Variants in RHPN1 observed in about 807,000 individuals in gnomAD.
RHPN1 encodes rhophilin-1.
A neutral mutation model predicts 74.7 loss-of-function variants in RHPN1; 77 were observed. That is an observed-to-expected ratio of 1.03 (90% CI 0.86 to 1.25). The LOEUF is 1.25. Ranked by LOEUF, RHPN1 falls within the 50% of genes most tolerant of loss-of-function variation. RHPN1 has a pLI of 0.00. For missense variants in RHPN1, 987 were observed against 932.2 expected (o/e 1.06, Z -0.77); for synonymous variants, 444 against 414.5 (o/e 1.07, Z -0.87).
Position 143,378,356 on chromosome 8 carries a change from T to TCCGCCCCCCC in RHPN1, c.459+12_459+13insGCCCCCCCCC. ...GGAGGCCCTGCGGCAGGTGTGTGGT[T>TCCGCCCCCCC]CCCCCGCCCACCCACCCTCCTGCAG... On this transcript the variant is annotated intron_variant, in intron 5 of 14. Coordinates refer to ENST00000289013, the MANE Select transcript of RHPN1 (RefSeq NM_052924.3). 6.6e-7 allele frequency: 1 copy of TCCGCCCCCCC among 1,525,440 alleles called. No individual in the cohort carries two copies. 94.5% of individuals were successfully genotyped at this position (1,525,440 alleles called of 1,614,324 possible). A position where few individuals can be genotyped will look rare whatever the true frequency, so the allele number is the denominator to read the frequency against.
At chr8:143,368,447 G>C (rs1401675015), upstream of RHPN1, 1 of 152,550 alleles carries the variant, frequency 6.6e-6, no homozygotes, top group Non-Finnish European at 1.5e-5. Flanking sequence ...CCCGTTGCCG[G>C]GGTGACAGGA....
intron 1 of RHPN1, among the ~76,000 whole-genome samples, chr8:143,369,891 TCTC>T (rs772499537): frequency 6.6e-6 from 1 of 152,180 alleles, no homozygotes; most frequent in Non-Finnish European, 1.5e-5. Flanking sequence ...TGGGGTTAGG[TCTC>T]CTAGAGGAGG....
At position 143,377,425 on chromosome 8, in the gene RHPN1, C is replaced by T; in HGVS notation, c.351C>T (p.Thr117=). Residue 117 remains threonine, a synonymous_variant, in exon 4 of 15, where the codon ACC becomes ACT. Transcript: ENST00000289013. The part of the protein sequence containing the change: ...VPMIPLGLKE[T]KELDWSTPLK... Reference sequence around the variant, plus strand: ...TGATCCCCCTGGGCCTGAAGGAGACCAAGGAGCTGGACTGGTCTACACCGC... The same window carrying T: ...TGATCCCCCTGGGCCTGAAGGAGACTAAGGAGCTGGACTGGTCTACACCGC... The T allele has an allele frequency of 6.2e-7, 1 of 1,613,386 alleles. No homozygotes were observed. The highest frequency in any genetic ancestry group is 8.5e-7 in the Non-Finnish European group (1 of 1,179,514).
At chr8:143,366,946 A>C (rs1284099612), upstream of RHPN1, 1 of 152,292 alleles carries the variant, frequency 6.6e-6, no homozygotes, top group Non-Finnish European at 1.5e-5. Flanking sequence ...AAGTCCCCAC[A>C]CAAGTGCACC....
intron 12 of RHPN1, 77 bp from the exon 13 acceptor site, chr8:143,381,495 T>A (rs1818726351): frequency 6.6e-7 from 1 of 1,523,000 alleles, no homozygotes; most frequent in African/African-American, 1.4e-5. Context: ...GTGCACAGGT[T>A]GGATGGATGT....
At chr8:143,381,785 C>T in intron 13 of RHPN1, 22 bp from the exon 14 acceptor site, 1 of 1,608,976 alleles carries the variant, frequency 6.2e-7, no homozygotes, top group Non-Finnish European at 8.5e-7. Flanking sequence ...GTCCCCACCT[C>T]ACCGTCCAAG....
intron 11 of RHPN1, 89 bp from the exon 12 acceptor site, chr8:143,381,179 G>A: frequency 1.8e-6 from 2 of 1,101,650 alleles, no homozygotes; most frequent in Non-Finnish European, 1.3e-6. Flanking sequence ...GGGCCTGTGT[G>A]CACTCAGGGT....
rs769401346 is a variant in RHPN1 at position 143,378,939 on chromosome 8, C to T, written c.612C>T (p.Ala204=). 7 of 1,581,844 alleles carry T rather than the reference C, an allele frequency of 4.4e-6. No homozygotes were observed. The highest frequency in any genetic ancestry group is 5.2e-6 in the Non-Finnish European group (6 of 1,164,930). Residue 204 remains alanine, a synonymous_variant, in exon 7 of 15, where the codon GCC becomes GCT. Coordinates refer to ENST00000289013, the MANE Select transcript of RHPN1 (RefSeq NM_052924.3). ...ACGACTCGCTTACTGGGGTCCCGGC[C>T]CAGCAGCGTGCCCTGGCCTTCGAGA... ...HWYDSLTGVP[A]QQRALAFEKG... is the part of the protein sequence containing the mutation.
At chr8:143,378,403 G>A in intron 5 of RHPN1, 57 bp downstream of exon 5, 1 of 1,130,144 alleles carries the variant, frequency 8.8e-7, no homozygotes, top group South Asian at 1.3e-5. Flanking sequence ...ACATGCGGAG[G>A]CTGAAGCTGA....
rs966075247 is a variant in RHPN1, at chr8:143,381,963, A to G, written c.1792A>G (p.Ser598Gly). The G allele has an allele frequency of 1.3e-6, 2 of 1,586,274 alleles. No individual in the cohort carries two copies. Among genetic ancestry groups the G allele is most frequent in the Admixed American group, 1.7e-5 (1 of 57,672 alleles). ...GCTGCTGCCCAGCTCTAGACTGCCC[A>G]GCTTGGTGAGCCCCTGGGGCCCCAG... is the stretch of plus-strand genomic sequence containing the variant. ...VSLLPSSRLP[S>G]LGDRRPVLLG... is the part of the protein sequence containing the mutation. Residue 598 changes from serine (S) to glycine (G), a missense_variant, in exon 14 of 15, where the codon AGC (serine) becomes GGC (glycine). Coordinates refer to ENST00000289013, the MANE Select transcript of RHPN1 (RefSeq NM_052924.3).
Position 143,378,916 on chromosome 8 carries a change from G to A in RHPN1, c.589G>A (p.Asp197Asn), listed in dbSNP as rs747980407. ...RSLGLFFHWY[D>N]SLTGVPAQQR... Reference sequence around the variant, plus strand: ...CAGCCTGACCCAACACTGCAGGTACGACTCGCTTACTGGGGTCCCGGCCCA... The same window carrying A: ...CAGCCTGACCCAACACTGCAGGTACAACTCGCTTACTGGGGTCCCGGCCCA... Residue 197 changes from aspartate (D) to asparagine (N), a missense_variant, in exon 7 of 15, where the codon GAC (aspartate) becomes AAC (asparagine). Coordinates refer to ENST00000289013, the MANE Select transcript of RHPN1 (RefSeq NM_052924.3). 6 of 1,584,528 alleles carry A rather than the reference G, an allele frequency of 3.8e-6. No individual in the cohort carries two copies. Among genetic ancestry groups the A allele is most frequent in the East Asian group, 2.3e-5 (1 of 42,746 alleles).
chr8:143,365,897 C>T (rs867957064), upstream of RHPN1, among the ~76,000 whole-genome samples: 4 of 151,482 alleles, frequency 2.6e-5, no homozygotes, highest in South Asian at 4.2e-4. Context: ...CTTGGGAGAC[C>T]GAGGTGGGAG....
At chr8:143,378,387 G>A in intron 5 of RHPN1, 41 bp downstream of exon 5, 1 of 1,135,512 alleles carries the variant, frequency 8.8e-7, no homozygotes, top group Non-Finnish European at 1.2e-6. Context: ...TGCAGCCCTG[G>A]GAGACACATG....
chr8:143,377,412 G>T lies in RHPN1; in HGVS notation c.338G>T (p.Gly113Val). ...GTCACTGTCCCCATGATCCCCCTGG[G>T]CCTGAAGGAGACCAAGGAGCTGGAC... ...EAVTVPMIPL[G>V]LKETKELDWS... Residue 113 changes from glycine (G) to valine (V), a missense_variant, in exon 4 of 15, where the codon GGC becomes GTC. By Grantham distance (109) the Gly-to-Val change is moderately radical. Coordinates refer to ENST00000289013, the MANE Select transcript of RHPN1 (RefSeq NM_052924.3). The T allele has an allele frequency of 6.2e-7, 1 of 1,613,520 alleles. No homozygotes were observed. Among genetic ancestry groups the T allele is most frequent in the Admixed American group, 1.7e-5 (1 of 60,002 alleles).
intron 3 of RHPN1, 107 bp downstream of exon 3, chr8:143,376,760 T>C: frequency 1.5e-6 from 2 of 1,338,808 alleles, no homozygotes; most frequent in Non-Finnish European, 2.0e-6. Context: ...TATGTGTGCA[T>C]TGTCTGTGTG....
upstream of RHPN1, among the ~76,000 whole-genome samples, chr8:143,364,416 G>A (rs1346248171): frequency 3.9e-5 from 6 of 152,136 alleles, no homozygotes; most frequent in East Asian, 1.2e-3. The surrounding 1 kb of genome is among the most constrained non-coding windows in gnomAD (Gnocchi z 4.5). Context: ...GCGGCCGGGA[G>A]GGACATAAGC....
chr8:143,380,719 C>T lies in RHPN1; in HGVS notation c.1347C>T (p.Ala449=), dbSNP rs751257935. 6.3e-7 allele frequency: 1 copy of T among 1,595,056 alleles called. No homozygotes were observed. Among genetic ancestry groups the T allele is most frequent in the South Asian group, 1.1e-5 (1 of 87,964 alleles). Residue 449 remains alanine, a synonymous_variant, in exon 11 of 15, where the codon GCC becomes GCT. Transcript: ENST00000289013. ...VISQTLQRSL[A]KYAELDREDD... ...CCCAGACGCTGCAGCGCTCACTGGC[C>T]AAGTATGCGGAGCTCGACCGTGAGG... is the stretch of plus-strand genomic sequence containing the variant.
chr8:143,375,582 C>G lies in RHPN1; in HGVS notation c.90C>G (p.Cys30Trp). 6.2e-7 allele frequency: 1 copy of G among 1,604,434 alleles called. No homozygotes were observed. Among genetic ancestry groups the G allele is most frequent in the East Asian group, 2.3e-5 (1 of 44,418 alleles). ...GTGACTCCCTGACGCAGATCCAGTG[C>G]GGCCAGCTGCAGAGCCGCAGGGCCC... is the stretch of plus-strand genomic sequence containing the variant. ...QGCDSLTQIQCGQLQSRRAQI... is the reference protein window; with the variant it reads ...QGCDSLTQIQWGQLQSRRAQI... The change falls in exon 2 of 15, where the codon TGC becomes TGG. Residue 30 changes from cysteine to tryptophan, a missense_variant. Cys to Trp is a radical substitution (Grantham distance 215). Transcript: ENST00000289013.
Position 143,372,410 on chromosome 8 carries a change from GCT to G in RHPN1, c.61-3140_61-3139del, listed in dbSNP as rs958730424. Among the ~76,000 whole-genome samples, 9 of 152,304 alleles carry G rather than the reference GCT, an allele frequency of 5.9e-5. No individual in the cohort carries two copies. The East Asian group carries it at 1.5e-3, about 26-fold the overall frequency. On this transcript the variant is annotated intron_variant, in intron 1 of 14. Coordinates refer to ENST00000289013, the MANE Select transcript of RHPN1 (RefSeq NM_052924.3). ...CTCTCCAGCCCGAGTCCCTGAAGCA[GCT>G]CTGGAGGGAATTTCTTTTCTGGAGG...
Sources: allele counts gnomAD v4.1 joint callset (sites outside exome capture counted in the v4.1 genomes callset), GRCh38; gene constraint gnomAD v4.1.1; non-coding constraint Gnocchi (gnomAD v3.1); transcripts MANE v1.5; gene names NCBI Gene and HGNC (gene_info 2026-07-23, HGNC 2026-07-21).